Variants in PSPC1 observed in about 807,000 individuals in gnomAD.
PSPC1 encodes paraspeckle protein 1.
PSPC1 carries 14 observed loss-of-function variants against 51.6 expected under a neutral mutation model. The observed-to-expected ratio is 0.27, with a 90% CI of 0.18 to 0.42. The LOEUF (loss-of-function observed/expected upper bound fraction) is 0.42, where lower values mean the gene tolerates loss of function less well. PSPC1 is among the 10% of genes least tolerant of loss of function. PSPC1 has a pLI of 1.00. For synonymous variants in PSPC1, 193 were observed against 231.9 expected (o/e 0.83, Z 1.53); for missense variants, 406 against 701.1 (o/e 0.58, Z 4.75).
rs369738591 is a variant in PSPC1 at position 19,741,652 on chromosome 13, A to G, written c.968-3T>C. ...TTCTTCTTGACGCCTCATTAGATCTATAAAATAATGACTGCACATTAATAT... is the reference window on the plus strand; with the variant it reads ...TTCTTCTTGACGCCTCATTAGATCTGTAAAATAATGACTGCACATTAATAT... On this transcript the variant is annotated splice_region_variant and splice_polypyrimidine_tract_variant and intron_variant, in intron 4 of 8. Coordinates refer to ENST00000338910, the MANE Select transcript of PSPC1 (RefSeq NM_001354909.2). 6.4e-7 allele frequency: 1 copy of G among 1,563,158 alleles called. No homozygotes were observed. Among genetic ancestry groups the G allele is most frequent in the Non-Finnish European group, 8.7e-7 (1 of 1,145,760 alleles).
chr13:19,731,711 G>C (rs1046193104), intron 5 of PSPC1, among the ~76,000 whole-genome samples: 1 of 152,140 alleles, frequency 6.6e-6, no homozygotes, highest in African/African-American at 2.4e-5. Context: ...CCAACACCCC[G>C]GCTGGAACTT....
chr13:19,733,264 G>A (rs571579954), intron 5 of PSPC1, among the ~76,000 whole-genome samples: 10 of 152,290 alleles, frequency 6.6e-5, no homozygotes, highest in African/African-American at 2.4e-4. Context: ...TGGCATGAAA[G>A]AATGTCTGCG....
Position 19,782,677 on chromosome 13 carries a change from G to C in PSPC1, c.81C>G (p.Gly27=). 6.4e-7 allele frequency: 1 copy of C among 1,563,770 alleles called. No individual in the cohort carries two copies. The highest frequency in any genetic ancestry group is 8.6e-7 in the Non-Finnish European group (1 of 1,164,290). Residue 27 remains glycine, a synonymous_variant, in exon 1 of 9, where the codon GGC becomes GGG. Coordinates refer to ENST00000338910, the MANE Select transcript of PSPC1 (RefSeq NM_001354909.2). The surrounding 1 kb of genome is among the most constrained non-coding windows in gnomAD (Gnocchi z 4.5). ...ARLRALESAV[G]ESEPAAAAAM... is the part of the protein sequence containing the mutation. ...CTGCCGCGGCCGCCGGCTCGCTCTC[G>C]CCCACCGCGGACTCCAGGGCGCGAA... is the stretch of plus-strand genomic sequence containing the variant.
chr13:19,779,400 G>C (rs1280153082), intron 1 of PSPC1, among the ~76,000 whole-genome samples: 1 of 79,732 alleles, frequency 1.3e-5, no homozygotes, highest in Non-Finnish European at 2.6e-5. Context: ...CCCCCCGCCC[G>C]GCCAGCCGCC....
chr13:19,774,632 G>T (rs1888916874), intron 1 of PSPC1, among the ~76,000 whole-genome samples: 1 of 150,730 alleles, frequency 6.6e-6, no homozygotes, highest in Non-Finnish European at 1.5e-5. Context: ...GCAAAACCTA[G>T]TCTCTATCAA....
At chr13:19,737,454 A>G (rs1884966230) in intron 5 of PSPC1, among the ~76,000 whole-genome samples, 1 of 152,178 alleles carries the variant, frequency 6.6e-6, no homozygotes, top group African/African-American at 2.4e-5. Flanking sequence ...TGGAATGATT[A>G]TGCATATCTG....
At chr13:19,712,784 A>G (rs1489625363) in intron 6 of PSPC1, among the ~76,000 whole-genome samples, 1 of 152,130 alleles carries the variant, frequency 6.6e-6, no homozygotes, top group African/African-American at 2.4e-5. Flanking sequence ...AATGTTGACA[A>G]TATCTTAAAG....
At chr13:19,708,590 A>C (rs1398032405) in intron 7 of PSPC1, among the ~76,000 whole-genome samples, 1 of 152,198 alleles carries the variant, frequency 6.6e-6, no homozygotes, top group Non-Finnish European at 1.5e-5. Context: ...ATCCATACTA[A>C]AGTTGCTAAT....
chr13:19,752,567 T>C (rs1204983947), intron 3 of PSPC1, among the ~76,000 whole-genome samples: 1 of 151,924 alleles, frequency 6.6e-6, no homozygotes, highest in African/African-American at 2.4e-5. Context: ...CAGTCAATTT[T>C]TTTTTCACTT....
intron 2 of PSPC1, among the ~76,000 whole-genome samples, chr13:19,770,645 G>A (rs1033480141): frequency 1.3e-5 from 2 of 152,028 alleles, no homozygotes; most frequent in Non-Finnish European, 1.5e-5. Flanking sequence ...AAAATTAGCC[G>A]GACACAGTGG....
At chr13:19,671,207 ACAGT>A (rs776137039), downstream of PSPC1, 2 of 1,613,580 alleles carry the variant, frequency 1.2e-6, no homozygotes, top group Non-Finnish European at 8.5e-7. Flanking sequence ...CCATTGTAGG[ACAGT>A]CATTTTGTTT....
intron 2 of PSPC1, among the ~76,000 whole-genome samples, chr13:19,765,675 G>T (rs1322286778): frequency 2.0e-5 from 3 of 149,916 alleles, no homozygotes; most frequent in African/African-American, 7.3e-5. Flanking sequence ...AGACCTCTAA[G>T]AAATAAGGAA....
chr13:19,703,672 G>A (rs1880247558), intron 8 of PSPC1, among the ~76,000 whole-genome samples: 1 of 151,998 alleles, frequency 6.6e-6, no homozygotes, highest in African/African-American at 2.4e-5. Context: ...ATAAATCTCT[G>A]ATTCCTTTTT....
intron 2 of PSPC1, among the ~76,000 whole-genome samples, chr13:19,762,546 C>T (rs578196910): frequency 6.9e-5 from 10 of 144,018 alleles, no homozygotes; most frequent in Admixed American, 6.6e-4. Context: ...GATGATACAA[C>T]GAGACTCCGT....
intron 6 of PSPC1, among the ~76,000 whole-genome samples, chr13:19,719,177 C>T (rs3916207): frequency 0.93 from 139,221 of 150,374 alleles, 65,351 homozygotes; most frequent in Non-Finnish European, 1. Flanking sequence ...TGGTAAAACA[C>T]TTTGATAGCA....
Position 19,765,300 on chromosome 13 carries a change from G to A in PSPC1, c.675-5882C>T, listed in dbSNP as rs576305809. ...GATCATGCCATGCACTCCACCCTGG[G>A]TGACAGAATGAGAGCCCATCTCAAA... On this transcript the variant is annotated intron_variant, in intron 2 of 8. Coordinates refer to ENST00000338910, the MANE Select transcript of PSPC1 (RefSeq NM_001354909.2). 4.0e-5 allele frequency among the ~76,000 whole-genome samples: 6 copies of A among 149,754 alleles called. No homozygotes were observed. In the Admixed American group the frequency reaches 4.0e-4, roughly 10 times the overall value.
At chr13:19,715,096 G>A (rs938373305) in intron 6 of PSPC1, among the ~76,000 whole-genome samples, 4 of 152,124 alleles carry the variant, frequency 2.6e-5, no homozygotes, top group East Asian at 3.8e-4. Flanking sequence ...ACAAGAAAGC[G>A]ACTCTTAACT....
At chr13:19,734,844 G>A (rs895753108) in intron 5 of PSPC1, among the ~76,000 whole-genome samples, 2 of 151,904 alleles carry the variant, frequency 1.3e-5, no homozygotes, top group African/African-American at 4.8e-5. Flanking sequence ...CGGGCGTGGT[G>A]GCGTGCACTT....
chr13:19,717,833 G>GCC (rs1882300996), intron 6 of PSPC1, among the ~76,000 whole-genome samples: 1 of 151,500 alleles, frequency 6.6e-6, no homozygotes, highest in Admixed American at 6.6e-5. Context: ...CTGAGATCGT[G>GCC]CCACTGCACT....
Sources: gnomAD v4.1 joint callset for allele counts (sites outside exome capture counted in the v4.1 genomes callset) on GRCh38, gnomAD v4.1.1 for gene constraint, Gnocchi (gnomAD v3.1) non-coding constraint, MANE v1.5 for transcripts, NCBI Gene and HGNC (gene_info 2026-07-23, HGNC 2026-07-21) for gene names.